MED12L: variants seen among roughly 807,000 people sequenced by gnomAD.
MED12L encodes the protein mediator of RNA polymerase II transcription subunit 12-like protein.
MED12L carries 60 observed loss-of-function variants against 281.3 expected under a neutral mutation model. The observed-to-expected ratio is 0.21, with a 90% CI of 0.17 to 0.26. The LOEUF is 0.26. Ranked by LOEUF, MED12L falls within the 10% of genes least tolerant of loss-of-function variation. The probability of loss-of-function intolerance (pLI) is 1.00; values close to 1 mark genes in which losing one functional copy is unlikely to be tolerated. For missense variants in MED12L, 2,146 were observed against 2,680.9 expected (o/e 0.80, Z 4.41); for synonymous variants, 974 against 987.2 (o/e 0.99, Z 0.25).
At chr3:151,285,295 T>C (rs1035065058) in intron 16 of MED12L, among the ~76,000 whole-genome samples, 9 of 151,916 alleles carry the variant, frequency 5.9e-5, no homozygotes, top group Non-Finnish European at 1.2e-4. Flanking sequence ...CCATCCTGGC[T>C]AACACGGTGA....
chr3:151,086,762 G>A (rs959872703), intron 1 of MED12L, 36 bp from the exon 2 acceptor site: 7 of 560,088 alleles, frequency 1.2e-5, no homozygotes, highest in Admixed American at 7.1e-5. Flanking sequence ...CCGGGCAGCG[G>A]CAGCATCCAA....
At chr3:151,273,748 A>AT (rs1741400645) in intron 16 of MED12L, among the ~76,000 whole-genome samples, 1 of 152,204 alleles carries the variant, frequency 6.6e-6, no homozygotes, top group African/African-American at 2.4e-5. Context: ...ACTACTTGGC[A>AT]TTGTACACAT....
At chr3:151,299,398 T>TTCTTTTCTTTTCTCC (rs1553772525) in intron 16 of MED12L, among the ~76,000 whole-genome samples, 1 of 137,280 alleles carries the variant, frequency 7.3e-6, no homozygotes, top group African/African-American at 2.9e-5. Context: ...TTCTTTTCTT[T>TTCTTTTCTTTTCTCC]TCCCCTCCCC....
At chr3:151,400,253 T>C (rs1715507485) in intron 39 of MED12L, among the ~76,000 whole-genome samples, 1 of 152,260 alleles carries the variant, frequency 6.6e-6, no homozygotes, top group African/African-American at 2.4e-5. Flanking sequence ...TCCTGATTTT[T>C]TCTTTCAGTA....
rs1179286866 is a variant in MED12L, at chr3:151,385,027, T to C, written c.4927-3T>C. The C allele has an allele frequency of 4.9e-6, 7 of 1,424,604 alleles. No individual in the cohort carries two copies. The highest frequency in any genetic ancestry group is 2.8e-5 in the African/African-American group (2 of 71,000). 88.2% of individuals were successfully genotyped at this position (1,424,604 alleles called of 1,614,324 possible). On this transcript the variant is annotated splice_region_variant and splice_polypyrimidine_tract_variant and intron_variant, in intron 35 of 44. Transcript: ENST00000687756. ...ACTCTCTCTCTCTCTCTTTTTTCTT[T>C]AGAAAGAGCTAGGAGACAAGCGATC...
intron 27 of MED12L, among the ~76,000 whole-genome samples, chr3:151,374,222 C>CA (rs35997570): frequency 0.27 from 40,825 of 151,940 alleles, 5,991 homozygotes; most frequent in South Asian, 0.38. Flanking sequence ...AGCGCTTTGT[C>CA]AAAAAATGAT....
At chr3:151,106,737 G>A (rs1722121379) in intron 2 of MED12L, among the ~76,000 whole-genome samples, 1 of 152,118 alleles carries the variant, frequency 6.6e-6, no homozygotes, top group African/African-American at 2.4e-5. Context: ...CCTTTCTGAT[G>A]AATTGACCTT....
At position 151,164,030 on chromosome 3, in the gene MED12L, T is replaced by C. The variant is rs770445377; in HGVS notation, c.1245T>C (p.Ala415=). 3.7e-6 allele frequency: 6 copies of C among 1,613,190 alleles called. No homozygotes were observed. Among genetic ancestry groups the C allele is most frequent in the African/African-American group, 1.3e-5 (1 of 74,892 alleles). ...TCCCCATGCCGGGTGGGAACACGGCTTTCAATCAGCAGGTAGACTTTATGT... is the reference window on the plus strand; with the variant it reads ...TCCCCATGCCGGGTGGGAACACGGCCTTCAATCAGCAGGTAGACTTTATGT... The part of the protein sequence containing the change: ...SSLPMPGGNT[A]FNQQVRARIY... The change falls in exon 9 of 45, where the codon GCT becomes GCC. Residue 415 remains alanine, a synonymous_variant. Transcript: ENST00000687756.
chr3:151,186,463 C>T (rs1723297954), intron 12 of MED12L, among the ~76,000 whole-genome samples: 1 of 152,214 alleles, frequency 6.6e-6, no homozygotes, highest in Non-Finnish European at 1.5e-5. Flanking sequence ...TTTTCCACCT[C>T]ATCTTGTGCC....
chr3:151,141,090 A>T (rs759007437), intron 5 of MED12L, among the ~76,000 whole-genome samples: 1 of 150,714 alleles, frequency 6.6e-6, no homozygotes, highest in African/African-American at 2.4e-5. Flanking sequence ...GATGGTCTCG[A>T]TCTCCTGACC....
chr3:151,210,286 T>C (rs1726954146), intron 16 of MED12L, among the ~76,000 whole-genome samples: 1 of 152,200 alleles, frequency 6.6e-6, no homozygotes, highest in African/African-American at 2.4e-5. Flanking sequence ...CAGCTGCATA[T>C]GATAGCTGCA....
At chr3:151,356,236 C>T (rs948225733) in intron 19 of MED12L, among the ~76,000 whole-genome samples, 197 bp downstream of exon 19, 1 of 151,756 alleles carries the variant, frequency 6.6e-6, no homozygotes, top group African/African-American at 2.4e-5. Context: ...CCCATCTCCA[C>T]AAAAAATTTA....
intron 25 of MED12L, among the ~76,000 whole-genome samples, chr3:151,368,658 TCA>T: frequency 9.2e-5 from 6 of 65,090 alleles, no homozygotes; most frequent in African/African-American, 3.3e-4. Flanking sequence ...TCATTTCATT[TCA>T]TTTCATTTCA....
chr3:151,159,867 T>C lies in MED12L; in HGVS notation c.873T>C (p.Ser291=), dbSNP rs1719757958. The C allele has an allele frequency of 6.2e-7, 1 of 1,614,132 alleles. No homozygotes were observed. The highest frequency in any genetic ancestry group is 1.7e-5 in the Admixed American group (1 of 60,014). The change falls in exon 8 of 45, where the codon TCT becomes TCC. Residue 291 remains serine (S), a synonymous_variant. Transcript: ENST00000687756. ...AGTTTGTTCAGTCGGCCTACCTGTC[T>C]CGTCGTCTTGCCTACTTTTGTGCCC... is the stretch of plus-strand genomic sequence containing the variant. ...SDEFVQSAYL[S]RRLAYFCARR...
At position 151,434,346 on chromosome 3, in the gene MED12L, C is replaced by T. The variant is rs1226761229; in HGVS notation, c.*1542C>T. On this transcript the variant is annotated 3_prime_UTR_variant, in exon 45 of 45. Coordinates refer to ENST00000687756, the MANE Select transcript of MED12L (RefSeq NM_001393769.1). Reference sequence around the variant, plus strand: ...GCAAAGTTTGACTCATGCAAATGACCTCAAATACATGTCAGCTTACTTTGC... The same window carrying T: ...GCAAAGTTTGACTCATGCAAATGACTTCAAATACATGTCAGCTTACTTTGC... 1 of 152,042 alleles carries T rather than the reference C, an allele frequency of 6.6e-6. No individual in the cohort carries two copies. The highest frequency in any genetic ancestry group is 1.5e-5 in the Non-Finnish European group (1 of 68,028). The allele number at this position is 152,042 out of a possible 1,614,324, so 9.4% of individuals were successfully genotyped here. A position where few individuals can be genotyped will look rare whatever the true frequency, so the allele number is the denominator to read the frequency against.
chr3:151,323,045 G>A lies in MED12L; in HGVS notation c.2251-27014G>A, dbSNP rs533098583. Reference sequence around the variant, plus strand: ...GACCTAGCAAATCGTTCAAGCTAACGGTCCTGAGAGAAATCAACCCTCAAT... The same window carrying A: ...GACCTAGCAAATCGTTCAAGCTAACAGTCCTGAGAGAAATCAACCCTCAAT... On this transcript the variant is annotated intron_variant, in intron 16 of 44. Transcript: ENST00000687756. Among the ~76,000 whole-genome samples, 3 of 152,258 alleles carry A rather than the reference G, an allele frequency of 2.0e-5. No homozygotes were observed. In the South Asian group the frequency reaches 6.2e-4, roughly 32 times the overall value.
chr3:151,124,053 T>C (rs890687904), intron 4 of MED12L, among the ~76,000 whole-genome samples: 1 of 152,212 alleles, frequency 6.6e-6, no homozygotes, highest in African/African-American at 2.4e-5. Context: ...GTGGTCCCAC[T>C]GTGGCCTATG....
intron 16 of MED12L, among the ~76,000 whole-genome samples, chr3:151,312,186 C>G (rs1385879310): frequency 1.3e-5 from 2 of 152,166 alleles, no homozygotes; most frequent in Non-Finnish European, 2.9e-5. Flanking sequence ...TGAGGAGGAA[C>G]AAGATGGGGG....
intron 38 of MED12L, among the ~76,000 whole-genome samples, chr3:151,392,514 T>G (rs543431780): frequency 6.7e-6 from 1 of 149,268 alleles, no homozygotes; most frequent in African/African-American, 2.5e-5. Flanking sequence ...ATAAATAAAT[T>G]TTGAAAAAAA....
Sources: gnomAD v4.1 joint callset for allele counts (sites outside exome capture counted in the v4.1 genomes callset) on GRCh38, gnomAD v4.1.1 for gene constraint, MANE v1.5 for transcripts, NCBI Gene and HGNC (gene_info 2026-07-23, HGNC 2026-07-21) for gene names.